HS3ST5: variants seen among roughly 807,000 people sequenced by gnomAD.
The protein encoded by HS3ST5 is heparan sulfate-glucosamine 3-sulfotransferase 5.
In HS3ST5, 10 loss-of-function variants were observed where a neutral mutation model predicts 25.4. That is an observed-to-expected ratio of 0.39 (90% confidence interval 0.24 to 0.67). The LOEUF is 0.67. HS3ST5 is among the 30% of genes least tolerant of loss of function. The pLI is 0.44. For synonymous variants in HS3ST5, 170 were observed against 162.4 expected (o/e 1.05, Z -0.36); for missense variants, 324 against 420.7 (o/e 0.77, Z 2.01).
At chr6:114,273,407 T>A (rs182933618) in intron 1 of HS3ST5, among the ~76,000 whole-genome samples, 5 of 152,150 alleles carry the variant, frequency 3.3e-5, no homozygotes, top group Admixed American at 1.3e-4. Context: ...ATCTGTTGCA[T>A]CTGAGCCTGG....
chr6:114,266,046 C>T (rs1773391365), intron 1 of HS3ST5, among the ~76,000 whole-genome samples: 2 of 152,176 alleles, frequency 1.3e-5, no homozygotes, highest in Admixed American at 1.3e-4. Context: ...CCCAAATATC[C>T]CACAGGAACC....
chr6:114,243,417 T>C (rs148283317), intron 1 of HS3ST5, among the ~76,000 whole-genome samples: 2 of 152,274 alleles, frequency 1.3e-5, no homozygotes, highest in South Asian at 2.1e-4. Flanking sequence ...CCATGACACA[T>C]ATGAGAACTA....
chr6:114,306,139 C>A (rs1218016149), intron 1 of HS3ST5, among the ~76,000 whole-genome samples: 1 of 151,214 alleles, frequency 6.6e-6, no homozygotes. Context: ...AAATGTTCAA[C>A]ATATCCTTCT....
intron 1 of HS3ST5, among the ~76,000 whole-genome samples, chr6:114,329,732 G>T (rs966533017): frequency 6.6e-6 from 1 of 152,144 alleles, no homozygotes; most frequent in African/African-American, 2.4e-5. Flanking sequence ...AGAGCATCCT[G>T]ACTGCCTCAT....
intron 2 of HS3ST5, among the ~76,000 whole-genome samples, chr6:114,201,332 A>C (rs1166158742): frequency 6.6e-6 from 1 of 152,174 alleles, no homozygotes; most frequent in African/African-American, 2.4e-5. Flanking sequence ...CATGTCTAGA[A>C]CTGGCCACTC....
intron 1 of HS3ST5, among the ~76,000 whole-genome samples, chr6:114,256,124 C>T (rs1772898027): frequency 6.6e-6 from 1 of 152,126 alleles, no homozygotes; most frequent in Non-Finnish European, 1.5e-5. Context: ...TGCAGTGGCT[C>T]ACGCCTGTAA....
chr6:114,119,133 A>C (rs147202823), intron 3 of HS3ST5, among the ~76,000 whole-genome samples: 68 of 152,378 alleles, frequency 4.5e-4, no homozygotes, highest in African/African-American at 1.5e-3. Context: ...AAGCATAAGA[A>C]GAGGCACACA....
At chr6:114,192,520 T>A (rs9374440) in intron 2 of HS3ST5, among the ~76,000 whole-genome samples, 63,813 of 151,918 alleles carry the variant, frequency 0.42, 14,503 homozygotes, top group South Asian at 0.65. Context: ...TCCACCCAGG[T>A]TTTTTTGAAG....
Position 114,199,765 on chromosome 6 carries a change from T to C in HS3ST5, c.-145+28820A>G, listed in dbSNP as rs140933971. ...CTAGATAGGCCTTTTGTCAGCTTTA[T>C]GTCTCAAAAATGTTTTTCTTAAGGA... is the stretch of plus-strand genomic sequence containing the variant. On this transcript the variant is annotated intron_variant, in intron 2 of 4. Coordinates refer to ENST00000312719, the MANE Select transcript of HS3ST5 (RefSeq NM_153612.4). 2.5e-3 allele frequency among the ~76,000 whole-genome samples: 387 copies of C among 152,336 alleles called. 1 individual carries two copies. Among genetic ancestry groups the C allele is most frequent in the African/African-American group, 8.9e-3 (372 of 41,588 alleles).
intron 2 of HS3ST5, among the ~76,000 whole-genome samples, chr6:114,179,630 T>C (rs1779870714): frequency 6.6e-6 from 1 of 151,098 alleles, no homozygotes; most frequent in Non-Finnish European, 1.5e-5. Context: ...CCTTGGTCTC[T>C]TGTAAACCCT....
intron 1 of HS3ST5, among the ~76,000 whole-genome samples, chr6:114,290,649 G>A (rs550044321): frequency 1.4e-3 from 214 of 152,260 alleles, no homozygotes; most frequent in Non-Finnish European, 1.8e-3. Context: ...TTGAATGCCA[G>A]ATGGTATATC....
chr6:114,237,380 C>G (rs1479872932), intron 1 of HS3ST5, among the ~76,000 whole-genome samples: 2 of 151,042 alleles, frequency 1.3e-5, no homozygotes, highest in Non-Finnish European at 2.9e-5. Flanking sequence ...GGTGATGTGG[C>G]TTCTAATCTA....
chr6:114,109,506 C>T (rs1446712821), intron 3 of HS3ST5, among the ~76,000 whole-genome samples: 1 of 152,156 alleles, frequency 6.6e-6, no homozygotes, highest in East Asian at 1.9e-4. Context: ...GCTGGACTTC[C>T]CCGGGGCCAG....
At chr6:114,228,275 T>C (rs892586219) in intron 2 of HS3ST5, among the ~76,000 whole-genome samples, 1 of 152,142 alleles carries the variant, frequency 6.6e-6, no homozygotes, top group Non-Finnish European at 1.5e-5. Context: ...CCCAATTTCA[T>C]GTGACTCCTA....
chr6:114,086,793 C>T (rs1774860969), intron 3 of HS3ST5, among the ~76,000 whole-genome samples: 1 of 152,136 alleles, frequency 6.6e-6, no homozygotes, highest in African/African-American at 2.4e-5. Flanking sequence ...ACAACAAAAG[C>T]TCACCTTCAA....
At chr6:114,193,592 A>G (rs1240693694) in intron 2 of HS3ST5, among the ~76,000 whole-genome samples, 1 of 152,152 alleles carries the variant, frequency 6.6e-6, no homozygotes, top group Non-Finnish European at 1.5e-5. Context: ...TTGTGCCTTA[A>G]TTTCCTTATC....
At chr6:114,229,039 AT>A (rs1771445538) in intron 1 of HS3ST5, among the ~76,000 whole-genome samples, 1 of 152,134 alleles carries the variant, frequency 6.6e-6, no homozygotes, top group Non-Finnish European at 1.5e-5. Flanking sequence ...ATCATTACTA[AT>A]TTTATTTTTG....
At chr6:114,333,975 C>T (rs935491943) in intron 1 of HS3ST5, among the ~76,000 whole-genome samples, 8 of 152,172 alleles carry the variant, frequency 5.3e-5, no homozygotes, top group African/African-American at 1.7e-4. Flanking sequence ...GTCCCACATA[C>T]AACCTTGTAC....
intron 1 of HS3ST5, among the ~76,000 whole-genome samples, chr6:114,306,956 T>C (rs1460407639): frequency 1.3e-5 from 2 of 152,180 alleles, no homozygotes; most frequent in Admixed American, 6.6e-5. Flanking sequence ...ACCACCTCAG[T>C]ATAGGCAGTA....
Sources: gnomAD v4.1 joint callset for allele counts (sites outside exome capture counted in the v4.1 genomes callset) on GRCh38, gnomAD v4.1.1 for gene constraint, MANE v1.5 for transcripts, NCBI Gene and HGNC (gene_info 2026-07-23, HGNC 2026-07-21) for gene names.